Variants in EGFR observed in about 807,000 individuals in gnomAD.
EGFR encodes the protein avian erythroblastic leukemia viral (v-erb-b) oncogene homolog.
In EGFR, 58 loss-of-function variants were observed where a neutral mutation model predicts 143.0. The ratio of observed to expected loss-of-function variants is 0.41; its 90% CI spans 0.33 to 0.50. EGFR has a LOEUF of 0.50. Ranked by LOEUF, EGFR falls within the 20% of genes least tolerant of loss-of-function variation. The pLI, the probability that EGFR is intolerant of heterozygous loss-of-function variation, is 0.39. For missense variants in EGFR, 1,307 were observed against 1,579.0 expected, an observed-to-expected ratio of 0.83 and a Z score of 2.92; for synonymous variants, 613 against 594.4, an observed-to-expected ratio of 1.03 and a Z score of -0.45.
chr7:55,025,462 A>G (rs1346731049), intron 1 of EGFR, among the ~76,000 whole-genome samples: 2 of 152,164 alleles, frequency 1.3e-5, no homozygotes, highest in Non-Finnish European at 2.9e-5. Flanking sequence ...TGGGAAGTCA[A>G]TGGGACTGCA....
At position 55,206,887 on chromosome 7, in the gene EGFR, T is replaced by G. The variant is rs1788120571; in HGVS notation, c.*1270T>G. 6 of 233,172 alleles carry G rather than the reference T, an allele frequency of 2.6e-5. No homozygotes were observed. The South Asian group carries it at 1.1e-3, about 42-fold the overall frequency. 14.4% of individuals were successfully genotyped at this position (233,172 alleles called of 1,614,324 possible). On this transcript the variant is annotated 3_prime_UTR_variant, in exon 28 of 28. Transcript: ENST00000275493. ...ACAGGTGCGAATGACAGTAGCATTA[T>G]GAGTAGTGTGGAATTCAGGTAGTAA...
chr7:55,177,774 T>C (rs1786661206), intron 19 of EGFR, among the ~76,000 whole-genome samples: 1 of 152,224 alleles, frequency 6.6e-6, no homozygotes, highest in South Asian at 2.1e-4. Flanking sequence ...GCTCCAACTG[T>C]GCGCTCTGCC....
At chr7:55,160,367 G>T in intron 12 of EGFR, 29 bp downstream of exon 12, 1 of 1,608,010 alleles carries the variant, frequency 6.2e-7, no homozygotes, top group Non-Finnish European at 8.5e-7. Flanking sequence ...TTTAGTTTAT[G>T]GAGTTGGTTC....
chr7:55,058,596 C>T (rs924722254), intron 1 of EGFR, among the ~76,000 whole-genome samples: 1 of 151,942 alleles, frequency 6.6e-6, no homozygotes, highest in South Asian at 2.1e-4. Flanking sequence ...CCTTAGCAAA[C>T]GAATAAGAAA....
intron 1 of EGFR, among the ~76,000 whole-genome samples, chr7:55,020,738 G>T (rs1455296850): frequency 2.0e-5 from 3 of 152,002 alleles, no homozygotes; most frequent in African/African-American, 7.3e-5. Flanking sequence ...CTTGAGCTGC[G>T]CGGGTTCCAA....
At chr7:55,192,259 G>A (rs989462739) in intron 21 of EGFR, among the ~76,000 whole-genome samples, 6 of 152,174 alleles carry the variant, frequency 3.9e-5, no homozygotes, top group Admixed American at 3.9e-4. Flanking sequence ...GCGGACCCGA[G>A]CTCCCAGGGC....
At chr7:55,111,340 C>T (rs1377468761) in intron 1 of EGFR, among the ~76,000 whole-genome samples, 2 of 151,604 alleles carry the variant, frequency 1.3e-5, no homozygotes, top group Non-Finnish European at 2.9e-5. Flanking sequence ...CCCAGCGAGG[C>T]AGGTTTCATC....
intron 1 of EGFR, among the ~76,000 whole-genome samples, chr7:55,070,543 C>A (rs1189463141): frequency 6.6e-6 from 1 of 152,218 alleles, no homozygotes; most frequent in African/African-American, 2.4e-5. Context: ...ATAATAGCAG[C>A]AGCAGCCTGT....
At chr7:55,026,663 C>A (rs1786904331) in intron 1 of EGFR, among the ~76,000 whole-genome samples, 1 of 152,152 alleles carries the variant, frequency 6.6e-6, no homozygotes. Context: ...AAGATGCCTG[C>A]CCCAAGATAA....
In EGFR at chr7:55,151,362, C is replaced by T. The variant is rs1785140781; in HGVS notation, c.628C>T (p.Leu210=). Residue 210 remains leucine, a splice_region_variant and synonymous_variant, in exon 5 of 28, where the codon CTG becomes TTG. Coordinates refer to ENST00000275493, the MANE Select transcript of EGFR (RefSeq NM_005228.5). The stretch of plus-strand genomic sequence containing the variant: ...TGCAGGAGAGGAGAACTGCCAGAAA[C>T]GTAAGTCAGTGAACAGCCTCAGACC... ...WGAGEENCQK[L]TKIICAQQCS... 1 of 1,614,172 alleles carries T rather than the reference C, an allele frequency of 6.2e-7. No individual in the cohort carries two copies. Among genetic ancestry groups the T allele is most frequent in the Non-Finnish European group, 8.5e-7 (1 of 1,180,008 alleles).
At chr7:55,177,619 C>T (rs541850928) in intron 19 of EGFR, among the ~76,000 whole-genome samples, 6 of 152,306 alleles carry the variant, frequency 3.9e-5, no homozygotes, top group Admixed American at 1.3e-4. Flanking sequence ...CCAATTCATA[C>T]GGTAGAGCCA....
At chr7:55,061,612 A>ATGTGTGTGTGTGTGTG (rs1205967063) in intron 1 of EGFR, among the ~76,000 whole-genome samples, 4 of 126,262 alleles carry the variant, frequency 3.2e-5, no homozygotes, top group Non-Finnish European at 6.6e-5. Flanking sequence ...GTCTCCAGGG[A>ATGTGTGTGTGTGTGTG]TGTGTGTGTG....
chr7:55,093,494 C>T (rs1011340747), intron 1 of EGFR, among the ~76,000 whole-genome samples: 2 of 152,184 alleles, frequency 1.3e-5, no homozygotes, highest in Non-Finnish European at 2.9e-5. Flanking sequence ...CCCCACCGCT[C>T]GCCCCGCGTC....
chr7:55,150,500 G>C (rs2128931808), intron 4 of EGFR, among the ~76,000 whole-genome samples: 1 of 152,258 alleles, frequency 6.6e-6, no homozygotes, highest in African/African-American at 2.4e-5. Flanking sequence ...CCTGACTGCA[G>C]GGGACCTCGG....
chr7:55,054,551 C>T (rs1429733783), intron 1 of EGFR, among the ~76,000 whole-genome samples: 3 of 152,198 alleles, frequency 2.0e-5, no homozygotes, highest in South Asian at 4.1e-4. Flanking sequence ...AACGCTCCCT[C>T]GTCTCTCAAC....
intron 1 of EGFR, among the ~76,000 whole-genome samples, chr7:55,032,634 G>A (rs1412806749): frequency 2.0e-5 from 3 of 152,108 alleles, no homozygotes; most frequent in Admixed American, 2.0e-4. Context: ...TCTTTGCCTG[G>A]TTCTCTGACT....
intron 1 of EGFR, among the ~76,000 whole-genome samples, chr7:55,052,399 C>T (rs566304074): frequency 3.9e-5 from 6 of 152,328 alleles, no homozygotes; most frequent in Non-Finnish European, 7.3e-5. Flanking sequence ...TTTGATGTCC[C>T]TGCCTGAGTC....
intron 20 of EGFR, among the ~76,000 whole-genome samples, chr7:55,185,898 G>A (rs776046233): frequency 5.9e-5 from 9 of 152,204 alleles, no homozygotes; most frequent in African/African-American, 1.4e-4. Context: ...TTACAAGTAC[G>A]TGGGCTACTT....
Position 55,171,227 on chromosome 7 carries a change from GCT to G in EGFR, c.1919+17_1919+18del. ...TCCAACGAATGGGTAAGTGTTCACA[GCT>G]CTGTGTCACATGGACCTCGTCAAGA... is the stretch of plus-strand genomic sequence containing the variant. On this transcript the variant is annotated intron_variant, in intron 16 of 27. Coordinates refer to ENST00000275493, the MANE Select transcript of EGFR (RefSeq NM_005228.5). 2 of 1,614,210 alleles carry G rather than the reference GCT, an allele frequency of 1.2e-6. No individual in the cohort carries two copies. Among genetic ancestry groups the G allele is most frequent in the Middle Eastern group, 3.3e-4 (2 of 6,062 alleles).
Sources: allele counts gnomAD v4.1 joint callset (sites outside exome capture counted in the v4.1 genomes callset), GRCh38; gene constraint gnomAD v4.1.1; transcripts MANE v1.5; gene names NCBI Gene and HGNC (gene_info 2026-07-23, HGNC 2026-07-21).